The following ADGRL2 variants were observed in gnomAD, a reference collection of about 807,000 sequenced individuals.
ADGRL2 encodes adhesion G protein-coupled receptor L2.
A neutral mutation model predicts 157.4 loss-of-function variants in ADGRL2; 44 were observed. The ratio of observed to expected loss-of-function variants is 0.28; its 90% confidence interval spans 0.22 to 0.36. The LOEUF is 0.36. Among genes scored for constraint, ADGRL2 ranks in the 10% least tolerant of loss-of-function variants. The pLI, the probability that ADGRL2 is intolerant of heterozygous loss-of-function variation, is 1.00. For missense variants in ADGRL2, 1,510 were observed against 1,768.9 expected, an observed-to-expected ratio of 0.85 and a Z score of 2.63; for synonymous variants, 585 against 624.7, an observed-to-expected ratio of 0.94 and a Z score of 0.95.
At chr1:81,594,693 CA>C (rs988567725) in intron 3 of ADGRL2, among the ~76,000 whole-genome samples, 54 of 152,160 alleles carry the variant, frequency 3.5e-4, no homozygotes, top group African/African-American at 1.3e-3. Context: ...GTCTTCTTGA[CA>C]ATGTAAAAAT....
intron 2 of ADGRL2, among the ~76,000 whole-genome samples, chr1:81,464,826 A>G (rs1425755025): frequency 6.6e-6 from 1 of 151,996 alleles, no homozygotes; most frequent in African/African-American, 2.4e-5. Context: ...TGCCTAGTAA[A>G]TAGTTTCTTT....
At chr1:81,802,265 C>G (rs887756119) in intron 1 of ADGRL2, among the ~76,000 whole-genome samples, 1 of 152,052 alleles carries the variant, frequency 6.6e-6, no homozygotes, top group African/African-American at 2.4e-5. Flanking sequence ...TGCCTCTGTG[C>G]CCAGCTTCGG....
intron 3 of ADGRL2, among the ~76,000 whole-genome samples, chr1:81,600,587 A>T (rs1170257216): frequency 6.6e-6 from 1 of 152,214 alleles, no homozygotes; most frequent in Non-Finnish European, 1.5e-5. Flanking sequence ...TTATATCTGG[A>T]AGATAATAAT....
intron 1 of ADGRL2, among the ~76,000 whole-genome samples, chr1:81,432,361 T>A (rs2077337028): frequency 6.6e-6 from 1 of 152,210 alleles, no homozygotes; most frequent in African/African-American, 2.4e-5. Flanking sequence ...GTCTTGATGT[T>A]TTCTTCTTGG....
At chr1:81,801,455 T>C (rs2088113433) in intron 1 of ADGRL2, among the ~76,000 whole-genome samples, 1 of 152,124 alleles carries the variant, frequency 6.6e-6, no homozygotes, top group Non-Finnish European at 1.5e-5. Flanking sequence ...CTCTCTCCGC[T>C]CACACACACG....
intron 11 of ADGRL2, among the ~76,000 whole-genome samples, chr1:81,959,217 T>C (rs533419476): frequency 1.4e-4 from 22 of 152,318 alleles, no homozygotes; most frequent in African/African-American, 5.1e-4. Context: ...AGGCATCTCA[T>C]TGTGGATTTA....
chr1:81,415,591 G>A (rs1173008432), intron 1 of ADGRL2, among the ~76,000 whole-genome samples: 1 of 152,104 alleles, frequency 6.6e-6, no homozygotes, highest in Non-Finnish European at 1.5e-5. Flanking sequence ...TGGACAGCTC[G>A]GTTCAACAAA....
intron 1 of ADGRL2, among the ~76,000 whole-genome samples, chr1:81,802,897 G>A (rs2088486418): frequency 6.6e-6 from 1 of 152,172 alleles, no homozygotes; most frequent in Admixed American, 6.5e-5. Flanking sequence ...GATGTGGTCG[G>A]GCCGCCGCCG....
intron 1 of ADGRL2, among the ~76,000 whole-genome samples, chr1:81,813,762 T>G (rs2090111650): frequency 6.6e-6 from 1 of 151,788 alleles, no homozygotes; most frequent in African/African-American, 2.4e-5. Flanking sequence ...TTTAATATAA[T>G]AGGCACTGCA....
chr1:81,778,653 T>G (rs187091157), intron 2 of ADGRL2, among the ~76,000 whole-genome samples: 1 of 152,310 alleles, frequency 6.6e-6, no homozygotes, highest in Admixed American at 6.5e-5. Context: ...AGACTGACAT[T>G]TTTTGAACAT....
intron 1 of ADGRL2, among the ~76,000 whole-genome samples, chr1:81,731,424 C>A (rs1417922393): frequency 6.6e-6 from 1 of 152,128 alleles, no homozygotes; most frequent in Non-Finnish European, 1.5e-5. Context: ...AAACTGATTT[C>A]CTTCAAGAAC....
chr1:81,750,589 G>A (rs916728779), intron 1 of ADGRL2, among the ~76,000 whole-genome samples: 1 of 152,100 alleles, frequency 6.6e-6, no homozygotes, highest in African/African-American at 2.4e-5. Flanking sequence ...ATGAGGGCAG[G>A]TGCCTGTAGT....
chr1:81,802,511 A>AG (rs906162952), intron 1 of ADGRL2, among the ~76,000 whole-genome samples: 1 of 152,026 alleles, frequency 6.6e-6, no homozygotes, highest in Non-Finnish European at 1.5e-5. Context: ...TCCAGGCATC[A>AG]GTCTAGTTGC....
intron 22 of ADGRL2, chr1:81,987,462 GC>G (rs1663510030): frequency 3.9e-6 from 3 of 771,538 alleles, no homozygotes; most frequent in Non-Finnish European, 4.8e-6. Flanking sequence ...ACCACATTCA[GC>G]CTATCAATAT....
At chr1:81,737,195 C>G (rs1237986494) in intron 1 of ADGRL2, among the ~76,000 whole-genome samples, 1 of 152,108 alleles carries the variant, frequency 6.6e-6, no homozygotes, top group Non-Finnish European at 1.5e-5. Context: ...TTGTATTAGT[C>G]CATTCTCACA....
At chr1:81,824,948 C>CCTCTCTCTCTCTCTCTCTCTCTCTCT (rs3046312) in intron 1 of ADGRL2, among the ~76,000 whole-genome samples, 4 of 127,976 alleles carry the variant, frequency 3.1e-5, no homozygotes, top group South Asian at 5.2e-4. Flanking sequence ...TTTTAATTCT[C>CCTCTCTCTCTCTCTCTCTCTCTCTCT]CTCTCTCTCT....
At chr1:81,355,327 C>T (rs1331588919) in intron 1 of ADGRL2, among the ~76,000 whole-genome samples, 1 of 152,026 alleles carries the variant, frequency 6.6e-6, no homozygotes, top group East Asian at 1.9e-4. Flanking sequence ...CCACTGCACT[C>T]CAGCCTGGGT....
intron 2 of ADGRL2, among the ~76,000 whole-genome samples, chr1:81,528,639 TC>T (rs1465105130): frequency 8.9e-5 from 7 of 78,888 alleles, no homozygotes; most frequent in African/African-American, 4.0e-4. Context: ...AAAGTGAGAC[TC>T]CATCTCAAAA....
intron 1 of ADGRL2, among the ~76,000 whole-genome samples, chr1:81,825,409 C>T (rs565765904): frequency 6.6e-6 from 1 of 151,890 alleles, no homozygotes; most frequent in East Asian, 2.0e-4. Flanking sequence ...AGTGCAGTGG[C>T]GCAATCTCAT....
Sources: allele counts gnomAD v4.1 joint callset (sites outside exome capture counted in the v4.1 genomes callset), GRCh38; gene constraint gnomAD v4.1.1; transcripts MANE v1.5; gene names NCBI Gene and HGNC (gene_info 2026-07-23, HGNC 2026-07-21).